The following DTNA variants were observed in gnomAD, a reference collection of about 807,000 sequenced individuals.
The protein encoded by DTNA is dystrobrevin alpha, also known as dystrophin-related protein 3.
A neutral mutation model predicts 100.7 loss-of-function variants in DTNA; 43 were observed. The ratio of observed to expected loss-of-function variants is 0.43; its 90% CI spans 0.33 to 0.55. The LOEUF (loss-of-function observed/expected upper bound fraction) is 0.55. Among genes scored for constraint, DTNA ranks in the 20% least tolerant of loss-of-function variants. The pLI, the probability that DTNA is intolerant of heterozygous loss-of-function variation, is 0.04. For synonymous variants in DTNA, 349 were observed against 347.9 expected (o/e 1.00, Z -0.04); for missense variants, 798 against 953.9 (o/e 0.84, Z 2.15).
intron 9 of DTNA, among the ~76,000 whole-genome samples, chr18:34,826,331 C>T (rs753002136): frequency 3.4e-4 from 51 of 152,012 alleles, no homozygotes; most frequent in Non-Finnish European, 6.8e-4. Flanking sequence ...ACCCATCACT[C>T]GAGCAGTATA....
rs1434078552 is a variant in DTNA at position 34,885,605 on chromosome 18, C to G, written c.*31+829C>G. ...TCAGTTTCCTCTATACAACATATTG[C>G]ATAATAGCCTCATAGAAGAGGCTGG... is the stretch of plus-strand genomic sequence containing the variant. On this transcript the variant is annotated intron_variant, in intron 22 of 22. Transcript: ENST00000444659. 3.3e-5 allele frequency among the ~76,000 whole-genome samples: 5 copies of G among 152,302 alleles called. No homozygotes were observed. The East Asian group carries it at 9.6e-4, about 29-fold the overall frequency.
chr18:34,516,428 A>G (rs2041625702), intron 1 of DTNA, among the ~76,000 whole-genome samples: 1 of 152,096 alleles, frequency 6.6e-6, no homozygotes, highest in Non-Finnish European at 1.5e-5. Flanking sequence ...CATTGATAAC[A>G]TCTTATCAGG....
chr18:34,578,057 T>C (rs2048282774), intron 1 of DTNA, among the ~76,000 whole-genome samples: 1 of 152,054 alleles, frequency 6.6e-6, no homozygotes, highest in Non-Finnish European at 1.5e-5. Context: ...TTTTCCATAG[T>C]GGTTGTACTA....
chr18:34,697,901 A>G (rs2146059918), intron 1 of DTNA, among the ~76,000 whole-genome samples: 1 of 152,308 alleles, frequency 6.6e-6, no homozygotes, highest in South Asian at 2.1e-4. Flanking sequence ...GGAAGGTGAC[A>G]ATCCACTTTA....
chr18:34,570,155 A>G (rs1479750305), intron 1 of DTNA, among the ~76,000 whole-genome samples: 1 of 152,186 alleles, frequency 6.6e-6, no homozygotes, highest in African/African-American at 2.4e-5. Flanking sequence ...TCTGTCATAA[A>G]AACATCTTTC....
chr18:34,639,406 C>T (rs572787798), intron 1 of DTNA, among the ~76,000 whole-genome samples: 3 of 152,322 alleles, frequency 2.0e-5, no homozygotes, highest in African/African-American at 7.2e-5. Context: ...ACCCTCTTGC[C>T]TGGGCCCTGC....
chr18:34,844,695 G>T (rs975707890), intron 13 of DTNA, among the ~76,000 whole-genome samples: 7 of 152,112 alleles, frequency 4.6e-5, no homozygotes, highest in Non-Finnish European at 8.8e-5. Context: ...ATATGCTTTT[G>T]CTTTTGCATT....
chr18:34,546,481 C>A (rs2044789412), intron 1 of DTNA, among the ~76,000 whole-genome samples: 1 of 152,096 alleles, frequency 6.6e-6, no homozygotes, highest in African/African-American at 2.4e-5. Context: ...GATCTAGAAT[C>A]ATGCATGATT....
intron 1 of DTNA, among the ~76,000 whole-genome samples, chr18:34,555,984 A>G (rs550378108): frequency 2.0e-5 from 3 of 150,038 alleles, no homozygotes; most frequent in African/African-American, 7.3e-5. Context: ...AAAGTCTCCC[A>G]TTATTAATGT....
chr18:34,513,349 C>T (rs1038920536), intron 1 of DTNA, among the ~76,000 whole-genome samples: 5 of 152,098 alleles, frequency 3.3e-5, no homozygotes, highest in Admixed American at 3.3e-4. Flanking sequence ...ATAACATGTG[C>T]CAGTCTTTAC....
At chr18:34,884,604 A>T in intron 21 of DTNA, 124 bp from the exon 22 acceptor site, 2 of 1,080,280 alleles carry the variant, frequency 1.9e-6, no homozygotes, top group Non-Finnish European at 2.9e-6. Context: ...CGCTACTCTC[A>T]CTCAATAGAC....
intron 1 of DTNA, among the ~76,000 whole-genome samples, chr18:34,704,643 G>A (rs1037176396): frequency 2.6e-5 from 4 of 152,044 alleles, no homozygotes; most frequent in African/African-American, 9.7e-5. Context: ...CATCTAGATT[G>A]TAGGCCATTT....
chr18:34,866,182 C>T lies in DTNA; in HGVS notation c.1743+2120C>T, dbSNP rs201973957. 1.1e-4 allele frequency: 178 copies of T among 1,613,976 alleles called. 1 individual carries two copies. Among genetic ancestry groups the T allele is most frequent in the Admixed American group, 8.3e-5 (5 of 59,998 alleles). On this transcript the variant is annotated intron_variant, in intron 17 of 22. Transcript: ENST00000444659. ...CTTAACTAACAGTGGAGGGGCCTGC[C>T]GACCTGCGGTTTTCTCATTGCTTTT...
chr18:34,569,231 T>C (rs901884002), intron 1 of DTNA, among the ~76,000 whole-genome samples: 1 of 151,918 alleles, frequency 6.6e-6, no homozygotes, highest in African/African-American at 2.4e-5. Flanking sequence ...GAGTGAATCG[T>C]AAGGGAAAGG....
chr18:34,533,410 T>C (rs2043354681), intron 1 of DTNA, among the ~76,000 whole-genome samples: 1 of 150,382 alleles, frequency 6.6e-6, no homozygotes, highest in Non-Finnish European at 1.5e-5. Flanking sequence ...GACATGAAGA[T>C]GCTTGCCAAG....
chr18:34,855,767 A>G (rs1371606174), intron 15 of DTNA, among the ~76,000 whole-genome samples: 1 of 152,186 alleles, frequency 6.6e-6, no homozygotes, highest in Non-Finnish European at 1.5e-5. Context: ...GAAATTCACA[A>G]GCCCACGAAT....
At chr18:34,638,967 G>A (rs918414201) in intron 1 of DTNA, among the ~76,000 whole-genome samples, 1 of 152,028 alleles carries the variant, frequency 6.6e-6, no homozygotes, top group African/African-American at 2.4e-5. Flanking sequence ...TCAGCCTCCC[G>A]AGTAGCTGGG....
At chr18:34,784,208 G>A (rs1481132128) in intron 3 of DTNA, among the ~76,000 whole-genome samples, 4 of 152,100 alleles carry the variant, frequency 2.6e-5, no homozygotes, top group African/African-American at 4.8e-5. Flanking sequence ...TCACATAGTA[G>A]TCTGAAAATG....
In DTNA at chr18:34,889,905, C is replaced by A. The variant is rs2096954741; in HGVS notation, c.*2171C>A. ...TGTTCATCTCTTTTCCACTGCCCAT[C>A]CTCTGTGAACCCATACCTCTCTAGA... is the stretch of plus-strand genomic sequence containing the variant. On this transcript the variant is annotated 3_prime_UTR_variant, in exon 23 of 23. Transcript: ENST00000444659. 2 of 1,008,096 alleles carry A rather than the reference C, an allele frequency of 2.0e-6. No homozygotes were observed. The highest frequency in any genetic ancestry group is 2.4e-6 in the Non-Finnish European group (2 of 844,214). The allele number at this position is 1,008,096 out of a possible 1,614,324, so 62.4% of individuals were successfully genotyped here. A position where few individuals can be genotyped will look rare whatever the true frequency, so the allele number is the denominator to read the frequency against.
Sources: gnomAD v4.1 joint callset for allele counts (sites outside exome capture counted in the v4.1 genomes callset) on GRCh38, gnomAD v4.1.1 for gene constraint, MANE v1.5 for transcripts, NCBI Gene and HGNC (gene_info 2026-07-23, HGNC 2026-07-21) for gene names.